The following TMC1 variants were observed in gnomAD, a reference collection of about 807,000 sequenced individuals.
TMC1 encodes the protein transmembrane channel-like protein 1.
TMC1 carries 84 observed loss-of-function variants against 105.8 expected under a neutral mutation model. The observed-to-expected ratio is 0.79, with a 90% CI of 0.67 to 0.95. The LOEUF is 0.95. Ranked by LOEUF, TMC1 falls within the 40% of genes least tolerant of loss-of-function variation. The pLI is 0.00. For missense variants in TMC1, 817 were observed against 914.1 expected (o/e 0.89, Z 1.37); for synonymous variants, 315 against 311.5 (o/e 1.01, Z -0.12).
chr9:72,633,312 A>G (rs887474690), intron 4 of TMC1, among the ~76,000 whole-genome samples: 2 of 152,194 alleles, frequency 1.3e-5, no homozygotes, highest in African/African-American at 2.4e-5. Flanking sequence ...CTTTGTTGCC[A>G]TGTTGGATGG....
chr9:72,776,189 C>T (rs923179197), intron 13 of TMC1, among the ~76,000 whole-genome samples: 11 of 151,940 alleles, frequency 7.2e-5, no homozygotes, highest in East Asian at 3.9e-4. Flanking sequence ...ATGTGCTATA[C>T]GTAACCCTTA....
intron 8 of TMC1, among the ~76,000 whole-genome samples, chr9:72,720,506 G>A (rs1482458429): frequency 6.6e-6 from 1 of 152,230 alleles, no homozygotes; most frequent in African/African-American, 2.4e-5. Context: ...TGCTGATAGT[G>A]TGGCTAAGGG....
At chr9:72,800,856 A>C (rs1193623300) in intron 17 of TMC1, among the ~76,000 whole-genome samples, 1 of 152,182 alleles carries the variant, frequency 6.6e-6, no homozygotes, top group Non-Finnish European at 1.5e-5. Context: ...CTCTGGGAAC[A>C]AAAAGAACAT....
At chr9:72,549,561 G>T (rs1447507999) in intron 1 of TMC1, among the ~76,000 whole-genome samples, 5 of 150,522 alleles carry the variant, frequency 3.3e-5, no homozygotes, top group African/African-American at 9.8e-5. Context: ...TCTTACTTCA[G>T]CCTCCTGAGT....
intron 1 of TMC1, among the ~76,000 whole-genome samples, chr9:72,523,119 C>T (rs1172320396): frequency 6.6e-6 from 1 of 152,086 alleles, no homozygotes; most frequent in Non-Finnish European, 1.5e-5. Context: ...TGCCATGATG[C>T]CATAGGGCTG....
At chr9:72,709,454 A>G (rs1223578087) in intron 8 of TMC1, among the ~76,000 whole-genome samples, 1 of 152,116 alleles carries the variant, frequency 6.6e-6, no homozygotes, top group Non-Finnish European at 1.5e-5. Context: ...GATAGAATTC[A>G]GCTGTGAATC....
rs1824735644 is a variant in TMC1, at chr9:72,597,257, T to TGCAG, written c.-305-19109_-305-19106dup. On this transcript the variant is annotated intron_variant, in intron 2 of 23. Transcript: ENST00000297784. ...CTTCACTCACAGAAAGAAAGAATGA[T>TGCAG]GCAGGTGCTGTTCACATGCGGCCGG... is the stretch of plus-strand genomic sequence containing the variant. Among the ~76,000 whole-genome samples the TGCAG allele has an allele frequency of 2.0e-5, 3 of 152,260 alleles. No homozygotes were observed. In the South Asian group the frequency reaches 6.2e-4, roughly 31 times the overall value.
At chr9:72,605,820 C>T (rs1253877564) in intron 2 of TMC1, among the ~76,000 whole-genome samples, 1 of 152,100 alleles carries the variant, frequency 6.6e-6, no homozygotes, top group African/African-American at 2.4e-5. Context: ...AAGTTATCCA[C>T]CTGCCTTGTC....
At chr9:72,669,009 T>C (rs900713974) in intron 5 of TMC1, among the ~76,000 whole-genome samples, 1 of 152,158 alleles carries the variant, frequency 6.6e-6, no homozygotes, top group Non-Finnish European at 1.5e-5. Flanking sequence ...TTTTGCCCTT[T>C]TAAAAGATAA....
At chr9:72,534,123 A>C (rs1823541078) in intron 1 of TMC1, among the ~76,000 whole-genome samples, 1 of 152,200 alleles carries the variant, frequency 6.6e-6, no homozygotes, top group Admixed American at 6.6e-5. Flanking sequence ...ACAGAGTGAG[A>C]ATCTGTCTCG....
rs139716542 is a variant in TMC1 at position 72,698,507 on chromosome 9, A to G, written c.237-2011A>G. 1.4e-3 allele frequency among the ~76,000 whole-genome samples: 210 copies of G among 152,306 alleles called. 1 individual carries two copies. Among genetic ancestry groups the G allele is most frequent in the African/African-American group, 4.8e-3 (198 of 41,568 alleles). On this transcript the variant is annotated intron_variant, in intron 7 of 23. Transcript: ENST00000297784. ...CTGAGTAATACTGAATTGGATTACAATTTTTGTTATTGGTCAATATCTAGT... is the reference window on the plus strand; with the variant it reads ...CTGAGTAATACTGAATTGGATTACAGTTTTTGTTATTGGTCAATATCTAGT...
intron 1 of TMC1, among the ~76,000 whole-genome samples, chr9:72,537,128 G>C (rs2132061439): frequency 6.6e-6 from 1 of 152,336 alleles, no homozygotes; most frequent in African/African-American, 2.4e-5. Flanking sequence ...GATGGAGCCA[G>C]AGTGGCCAGG....
At chr9:72,784,370 A>G (rs967182450) in intron 13 of TMC1, among the ~76,000 whole-genome samples, 2 of 152,158 alleles carry the variant, frequency 1.3e-5, no homozygotes, top group Admixed American at 6.5e-5. Context: ...TAAAGCCACA[A>G]TGAGATACTA....
intron 1 of TMC1, among the ~76,000 whole-genome samples, chr9:72,569,861 G>T (rs1004618009): frequency 6.6e-6 from 1 of 152,168 alleles, no homozygotes; most frequent in African/African-American, 2.4e-5. Context: ...CCCCCTGAGT[G>T]CTGTCTGCTA....
In TMC1 at chr9:72,837,876, TC is replaced by T. The variant is rs1829149714; in HGVS notation, c.*1905del. Reference sequence around the variant, plus strand: ...TCTGGTTGTCTTTTTCAGATTGACTTCCATTCTCAATCTTATCACTCCCTTT... The same window carrying T: ...TCTGGTTGTCTTTTTCAGATTGACTTCATTCTCAATCTTATCACTCCCTTT... On this transcript the variant is annotated 3_prime_UTR_variant, in exon 24 of 24. Transcript: ENST00000297784. The T allele has an allele frequency of 6.6e-6, 1 of 152,252 alleles. No individual in the cohort carries two copies. The highest frequency in any genetic ancestry group is 1.5e-5 in the Non-Finnish European group (1 of 68,044). 9.4% of individuals were successfully genotyped at this position (152,252 alleles called of 1,614,324 possible). A position where few individuals can be genotyped will look rare whatever the true frequency, so the allele number is the denominator to read the frequency against.
At chr9:72,735,538 T>C in intron 8 of TMC1, among the ~76,000 whole-genome samples, 1 of 152,226 alleles carries the variant, frequency 6.6e-6, no homozygotes, top group Non-Finnish European at 1.5e-5. Context: ...AATGTTTATC[T>C]TCATATGAGA....
chr9:72,816,451 G>A, intron 19 of TMC1, among the ~76,000 whole-genome samples: 1 of 152,102 alleles, frequency 6.6e-6, no homozygotes. Context: ...CTGTGTTCTG[G>A]TTAGCAGATT....
At chr9:72,788,588 G>A in intron 14 of TMC1, 105 bp downstream of exon 14, 1 of 1,235,580 alleles carries the variant, frequency 8.1e-7, no homozygotes, top group Non-Finnish European at 1.2e-6. Context: ...TTACATGAAA[G>A]ATTAACTCAT....
chr9:72,634,213 T>C (rs966438732), intron 4 of TMC1, among the ~76,000 whole-genome samples: 2 of 152,156 alleles, frequency 1.3e-5, no homozygotes, highest in African/African-American at 4.8e-5. Context: ...TTTCTTGGCA[T>C]GAGTCACAGG....
Sources: allele counts gnomAD v4.1 joint callset (sites outside exome capture counted in the v4.1 genomes callset), GRCh38; gene constraint gnomAD v4.1.1; transcripts MANE v1.5; gene names NCBI Gene and HGNC (gene_info 2026-07-23, HGNC 2026-07-21).